ANK2: variants seen among roughly 807,000 people sequenced by gnomAD.
The protein encoded by ANK2 is ankyrin 2.
ANK2 carries 83 observed loss-of-function variants against 360.5 expected under a neutral mutation model. That is an observed-to-expected ratio of 0.23 (90% CI 0.19 to 0.28). The LOEUF is 0.28. Ranked by LOEUF, ANK2 falls within the 10% of genes least tolerant of loss-of-function variation. The pLI is 1.00. For missense variants in ANK2, 4,201 were observed against 4,795.7 expected (o/e 0.88, Z 3.66); for synonymous variants, 1,740 against 1,759.5 (o/e 0.99, Z 0.28).
chr4:113,002,383 TA>T (rs2051078935), intron 2 of ANK2, among the ~76,000 whole-genome samples: 2 of 152,190 alleles, frequency 1.3e-5, no homozygotes, highest in South Asian at 4.1e-4. Flanking sequence ...TATGCAGCCA[TA>T]AAAAATGATG....
intron 1 of ANK2, among the ~76,000 whole-genome samples, chr4:112,894,143 A>G (rs1176981620): frequency 6.6e-6 from 1 of 152,068 alleles, no homozygotes; most frequent in Non-Finnish European, 1.5e-5. Flanking sequence ...CCCATTTCAA[A>G]ATGCCCTAGT....
chr4:113,263,245 A>C (rs1303180319), intron 13 of ANK2, among the ~76,000 whole-genome samples: 1 of 150,820 alleles, frequency 6.6e-6, no homozygotes. Flanking sequence ...GACAGGTTTT[A>C]AATGATATGG....
intron 2 of ANK2, among the ~76,000 whole-genome samples, chr4:113,004,417 C>CA (rs1268768309): frequency 6.6e-6 from 1 of 151,668 alleles, no homozygotes; most frequent in African/African-American, 2.4e-5. Context: ...AACAAAGACA[C>CA]AAACACCCAC....
intron 42 of ANK2, 79 bp downstream of exon 42, chr4:113,367,930 A>G: frequency 6.5e-7 from 1 of 1,543,230 alleles, no homozygotes; most frequent in Non-Finnish European, 8.9e-7. Flanking sequence ...TATAAGCATA[A>G]CTAGTTTTTA....
At chr4:113,056,979 C>G (rs1039537681) in intron 1 of ANK2, among the ~76,000 whole-genome samples, 1 of 152,302 alleles carries the variant, frequency 6.6e-6, no homozygotes, top group Middle Eastern at 3.4e-3. Context: ...TTCTAAGAAT[C>G]AGCTTGTTTT....
intron 1 of ANK2, chr4:112,827,670 T>G (rs771977681): frequency 1.7e-4 from 116 of 666,326 alleles, no homozygotes; most frequent in Non-Finnish European, 2.4e-4. Context: ...AGAGCATTGT[T>G]GCACTGTTCT....
chr4:113,114,518 A>C (rs896987325), intron 1 of ANK2, among the ~76,000 whole-genome samples: 1 of 152,032 alleles, frequency 6.6e-6, no homozygotes, highest in Non-Finnish European at 1.5e-5. Flanking sequence ...GTTTATAGAA[A>C]GTAAAAGAGT....
chr4:113,178,165 G>A (rs1278499676), intron 2 of ANK2, among the ~76,000 whole-genome samples: 5 of 152,054 alleles, frequency 3.3e-5, no homozygotes, highest in Admixed American at 3.3e-4. Context: ...GGCTGAGGCA[G>A]GAGGATTGCT....
intron 4 of ANK2, among the ~76,000 whole-genome samples, chr4:113,220,981 C>A (rs900240406): frequency 2.0e-5 from 3 of 152,152 alleles, no homozygotes; most frequent in African/African-American, 7.2e-5. Flanking sequence ...CACACAAAGT[C>A]AAGGTGAACA....
chr4:113,062,334 T>C (rs1426336745), intron 1 of ANK2, among the ~76,000 whole-genome samples: 1 of 152,110 alleles, frequency 6.6e-6, no homozygotes, highest in Non-Finnish European at 1.5e-5. Flanking sequence ...TTCAGTTTAA[T>C]ATTTTAAAAT....
At chr4:113,006,040 C>T (rs867674900) in intron 2 of ANK2, among the ~76,000 whole-genome samples, 1 of 152,224 alleles carries the variant, frequency 6.6e-6, no homozygotes, top group African/African-American at 2.4e-5. Context: ...CTAAATAAAC[C>T]TTTTTTCCTT....
At position 113,358,252 on chromosome 4, in the gene ANK2, A is replaced by C; in HGVS notation, c.9634A>C (p.Thr3212Pro). Reference protein sequence around the residue: ...SQMGISASTETPTKEAVSVGT... With the variant: ...SQMGISASTEPPTKEAVSVGT... ...AATGGGGATTTCAGCCTCCACTGAA[A>C]CACCTACAAAAGAAGCTGTTAGTGT... The change falls in exon 38 of 46, where the codon ACA becomes CCA. Residue 3212 changes from threonine (T) to proline (P), a missense_variant. This residue lies in a region of ANK2 where 2,642 missense variants were observed against 2,714.5 expected (regional missense o/e 0.97). Coordinates refer to ENST00000357077, the MANE Select transcript of ANK2 (RefSeq NM_001148.6). The C allele has an allele frequency of 6.2e-7, 1 of 1,614,052 alleles. No individual in the cohort carries two copies. Among genetic ancestry groups the C allele is most frequent in the Non-Finnish European group, 8.5e-7 (1 of 1,179,956 alleles).
At chr4:113,245,232 A>C (rs1279435357) in intron 9 of ANK2, among the ~76,000 whole-genome samples, 1 of 152,170 alleles carries the variant, frequency 6.6e-6, no homozygotes, top group Non-Finnish European at 1.5e-5. Flanking sequence ...TAAATACTGA[A>C]ATCAAGGACT....
At chr4:113,025,813 T>C (rs1158187590) in intron 2 of ANK2, among the ~76,000 whole-genome samples, 19 of 152,110 alleles carry the variant, frequency 1.2e-4, no homozygotes, top group Admixed American at 1.2e-3. Flanking sequence ...TTTTGAGAGA[T>C]GTAGAGGTAT....
the ANK2 span, among the ~76,000 whole-genome samples, chr4:112,782,038 C>T: frequency 2.0e-5 from 3 of 152,166 alleles, 1 homozygote; most frequent in South Asian, 6.2e-4. Flanking sequence ...CCATATTGGC[C>T]AGGCTAGTCT....
intron 2 of ANK2, among the ~76,000 whole-genome samples, chr4:113,192,507 T>C (rs2098683859): frequency 2.0e-5 from 3 of 152,178 alleles, no homozygotes; most frequent in Admixed American, 6.5e-5. Flanking sequence ...CGTTTATGCA[T>C]CGTGACCTAC....
the ANK2 span, among the ~76,000 whole-genome samples, chr4:112,808,760 A>G: frequency 6.6e-6 from 1 of 152,236 alleles, no homozygotes; most frequent in Non-Finnish European, 1.5e-5. Flanking sequence ...ACACTGGTAC[A>G]GACAAATCAA....
chr4:113,206,351 T>A (rs1290977070), intron 4 of ANK2, among the ~76,000 whole-genome samples: 2 of 152,238 alleles, frequency 1.3e-5, no homozygotes, highest in African/African-American at 2.4e-5. Context: ...TTTAGTTTTC[T>A]ATTCATGTGT....
At chr4:112,928,631 T>G (rs973178708) in intron 2 of ANK2, among the ~76,000 whole-genome samples, 4 of 152,028 alleles carry the variant, frequency 2.6e-5, no homozygotes, top group African/African-American at 9.7e-5. Context: ...ACTGGTGTCC[T>G]TCTAAGAAGA....
Sources: gnomAD v4.1 joint callset for allele counts (sites outside exome capture counted in the v4.1 genomes callset) on GRCh38, gnomAD v4.1.1 for gene constraint, gnomAD v4.1.1 regional missense constraint, MANE v1.5 for transcripts, NCBI Gene and HGNC (gene_info 2026-07-23, HGNC 2026-07-21) for gene names.